Variants in LRBA observed in about 807,000 individuals in gnomAD.
LRBA encodes the protein LPS responsive beige-like anchor protein.
In LRBA, 176 loss-of-function variants were observed where a neutral mutation model predicts 330.0. The observed-to-expected ratio is 0.53, with a 90% CI of 0.47 to 0.60. LRBA has a LOEUF of 0.60. LRBA is among the 20% of genes least tolerant of loss of function. The pLI is 0.00. For missense variants in LRBA, 3,259 were observed against 3,444.8 expected (o/e 0.95, Z 1.35); for synonymous variants, 1,230 against 1,193.0 (o/e 1.03, Z -0.64).
intron 17 of LRBA, among the ~76,000 whole-genome samples, chr4:150,873,026 A>G (rs916402918): frequency 6.6e-6 from 1 of 152,168 alleles, no homozygotes; most frequent in Non-Finnish European, 1.5e-5. Flanking sequence ...GCTAGCTTTC[A>G]GATACTTTTT....
chr4:150,914,363 G>T, intron 8 of LRBA, 22 bp from the exon 9 acceptor site: 1 of 1,445,322 alleles, frequency 6.9e-7, no homozygotes, highest in Non-Finnish European at 9.2e-7. Flanking sequence ...AAAAAAAAAG[G>T]AATTAGGAAA....
At chr4:150,807,644 T>C (rs1051875562) in intron 32 of LRBA, among the ~76,000 whole-genome samples, 86 of 151,742 alleles carry the variant, frequency 5.7e-4, no homozygotes, top group Non-Finnish European at 1.1e-3. Context: ...GTTGTTGTTG[T>C]TGTTGTTGTT....
chr4:150,618,873 CACACAT>C (rs1776035080), intron 37 of LRBA, among the ~76,000 whole-genome samples: 2 of 142,002 alleles, frequency 1.4e-5, no homozygotes, highest in African/African-American at 5.3e-5. Flanking sequence ...TATATATATA[CACACAT>C]ACACACACAT....
intron 35 of LRBA, among the ~76,000 whole-genome samples, chr4:150,750,849 C>T (rs1582237462): frequency 6.6e-6 from 1 of 150,384 alleles, no homozygotes; most frequent in Middle Eastern, 3.5e-3. Flanking sequence ...TCTATTCTCT[C>T]AGAAGATGTG....
intron 37 of LRBA, among the ~76,000 whole-genome samples, chr4:150,653,143 G>A (rs1336923352): frequency 6.6e-6 from 1 of 152,102 alleles, no homozygotes; most frequent in Non-Finnish European, 1.5e-5. Context: ...AGGAATTCAA[G>A]ACCAGCCTCG....
At chr4:150,489,011 A>ATAT (rs1229820346) in intron 41 of LRBA, among the ~76,000 whole-genome samples, 1 of 118,884 alleles carries the variant, frequency 8.4e-6, no homozygotes, top group Non-Finnish European at 1.6e-5. Flanking sequence ...AATATATAAT[A>ATAT]TATTATATAT....
intron 5 of LRBA, 66 bp downstream of exon 5, chr4:150,921,132 G>A: frequency 9.7e-7 from 1 of 1,026,470 alleles, no homozygotes; most frequent in Non-Finnish European, 1.5e-6. Flanking sequence ...GTGTTCACAG[G>A]GCTGTACTTT....
At chr4:150,754,249 A>G (rs1733956798) in intron 35 of LRBA, among the ~76,000 whole-genome samples, 1 of 152,068 alleles carries the variant, frequency 6.6e-6, no homozygotes, top group Non-Finnish European at 1.5e-5. Context: ...GCCAAAACAT[A>G]TGAATAAAAT....
chr4:150,292,506 C>A (rs1436284975), intron 53 of LRBA, among the ~76,000 whole-genome samples: 2 of 152,156 alleles, frequency 1.3e-5, no homozygotes, highest in Admixed American at 1.3e-4. Flanking sequence ...CGGGATTAAA[C>A]ATTTTCCTAT....
At chr4:150,485,342 A>G (rs1357076806) in intron 42 of LRBA, among the ~76,000 whole-genome samples, 1 of 151,914 alleles carries the variant, frequency 6.6e-6, no homozygotes, top group African/African-American at 2.4e-5. Context: ...TATCATTATG[A>G]TATGTCACTT....
chr4:150,673,939 T>C (rs532402767), intron 37 of LRBA, among the ~76,000 whole-genome samples: 3 of 152,262 alleles, frequency 2.0e-5, no homozygotes, highest in East Asian at 1.9e-4. Flanking sequence ...GAAAGAGTCA[T>C]ATATTATGAT....
intron 30 of LRBA, among the ~76,000 whole-genome samples, chr4:150,826,475 C>G (rs1245607265): frequency 6.6e-6 from 1 of 152,140 alleles, no homozygotes; most frequent in East Asian, 1.9e-4. Context: ...AAGCTGCTAA[C>G]CCCTGAGCCT....
At chr4:150,953,246 A>G (rs1737055949) in intron 2 of LRBA, among the ~76,000 whole-genome samples, 1 of 152,204 alleles carries the variant, frequency 6.6e-6, no homozygotes, top group Admixed American at 6.5e-5. Flanking sequence ...GAACAACACT[A>G]TAAACCAACT....
intron 17 of LRBA, among the ~76,000 whole-genome samples, chr4:150,884,615 A>G (rs1199608363): frequency 6.6e-6 from 1 of 152,206 alleles, no homozygotes; most frequent in Non-Finnish European, 1.5e-5. Flanking sequence ...GGAAAAAGTA[A>G]AAATACTGGG....
chr4:150,654,909 T>C (rs1375992654), intron 37 of LRBA, among the ~76,000 whole-genome samples: 7 of 152,204 alleles, frequency 4.6e-5, no homozygotes, highest in Non-Finnish European at 8.8e-5. Flanking sequence ...TTCCATGGTG[T>C]AAATGTGCCA....
intron 48 of LRBA, among the ~76,000 whole-genome samples, chr4:150,348,500 C>T (rs1490072577): frequency 2.6e-5 from 4 of 152,000 alleles, no homozygotes; most frequent in Non-Finnish European, 5.9e-5. Context: ...TATAGTGACA[C>T]AAAAAATATA....
chr4:150,466,794 T>C (rs1242994700), intron 44 of LRBA, among the ~76,000 whole-genome samples: 2 of 152,142 alleles, frequency 1.3e-5, no homozygotes, highest in Non-Finnish European at 2.9e-5. Context: ...AATACAATTC[T>C]GAATATAAAT....
At chr4:150,277,651 A>C (rs963765593) in intron 56 of LRBA, among the ~76,000 whole-genome samples, 1 of 151,970 alleles carries the variant, frequency 6.6e-6, no homozygotes, top group Non-Finnish European at 1.5e-5. Flanking sequence ...AGGTTTTACT[A>C]TACAATTTTG....
At chr4:150,729,552 G>A (rs1036178007) in intron 36 of LRBA, among the ~76,000 whole-genome samples, 2 of 152,126 alleles carry the variant, frequency 1.3e-5, no homozygotes, top group Non-Finnish European at 2.9e-5. Context: ...AATCAATACT[G>A]TTAAAATATC....
Sources: allele counts gnomAD v4.1 joint callset (sites outside exome capture counted in the v4.1 genomes callset), GRCh38; gene constraint gnomAD v4.1.1; transcripts MANE v1.5; gene names NCBI Gene and HGNC (gene_info 2026-07-23, HGNC 2026-07-21).